Variants in ARHGAP28 observed in about 807,000 individuals in gnomAD.
The protein encoded by ARHGAP28 is Rho GTPase activating protein 28, also known as rho GTPase-activating protein 28.
In ARHGAP28, 56 loss-of-function variants were observed where a neutral mutation model predicts 90.7. That is an observed-to-expected ratio of 0.62 (90% CI 0.50 to 0.77). ARHGAP28 has a LOEUF of 0.77. ARHGAP28 is among the 30% of genes least tolerant of loss of function. The probability of loss-of-function intolerance (pLI) is 0.00; values close to 1 mark genes in which losing one functional copy is unlikely to be tolerated. For synonymous variants in ARHGAP28, 308 were observed against 323.3 expected (o/e 0.95, Z 0.51); for missense variants, 869 against 900.9 (o/e 0.96, Z 0.45).
chr18:6,864,684 T>TATTA (rs1454595157), intron 5 of ARHGAP28, among the ~76,000 whole-genome samples: 2 of 152,080 alleles, frequency 1.3e-5, no homozygotes, highest in Admixed American at 6.5e-5. Flanking sequence ...ACTTTATTAT[T>TATTA]ATTTATTTAT....
At chr18:6,831,471 G>GTTTTTTTTTTTTTTCTTTTTT (rs2056714365) in intron 2 of ARHGAP28, among the ~76,000 whole-genome samples, 2 of 109,304 alleles carry the variant, frequency 1.8e-5, no homozygotes, top group African/African-American at 3.5e-5. Context: ...GTATCTTGAT[G>GTTTTTTTTTTTTTTCTTTTTT]TTTTTTTTTT....
At chr18:6,759,204 A>G (rs570303842) in intron 1 of ARHGAP28, among the ~76,000 whole-genome samples, 1 of 152,198 alleles carries the variant, frequency 6.6e-6, no homozygotes. Context: ...ATCCTTTTAG[A>G]CACAGTTACT....
In ARHGAP28 at chr18:6,861,173, C is replaced by G. The variant is rs73941145; in HGVS notation, c.726+1276C>G. Among the ~76,000 whole-genome samples, 38 of 152,282 alleles carry G rather than the reference C, an allele frequency of 2.5e-4. 1 individual carries two copies. The East Asian group carries it at 6.6e-3, about 26-fold the overall frequency. ...TTGCCCAGGATCCTTTATCTTCCACCACAGCTTGTGGCACCCATGTGCCCA... is the reference window on the plus strand; with the variant it reads ...TTGCCCAGGATCCTTTATCTTCCACGACAGCTTGTGGCACCCATGTGCCCA... On this transcript the variant is annotated intron_variant, in intron 5 of 17. Transcript: ENST00000383472.
intron 14 of ARHGAP28, among the ~76,000 whole-genome samples, chr18:6,892,793 C>T (rs540854624): frequency 6.6e-6 from 1 of 152,186 alleles, no homozygotes; most frequent in Non-Finnish European, 1.5e-5. Flanking sequence ...CAGAGATTCT[C>T]TTAAATGTCT....
chr18:6,818,297 T>G (rs1017194131), intron 1 of ARHGAP28, among the ~76,000 whole-genome samples: 1 of 152,190 alleles, frequency 6.6e-6, no homozygotes, highest in Non-Finnish European at 1.5e-5. Context: ...TATTTACAGC[T>G]ATAAGCAGTT....
chr18:6,838,716 C>A (rs144170704), intron 3 of ARHGAP28, among the ~76,000 whole-genome samples: 69 of 152,258 alleles, frequency 4.5e-4, no homozygotes, highest in African/African-American at 1.7e-3. Flanking sequence ...GTTCTAGAAT[C>A]TTCTGCCATA....
At chr18:6,837,447 G>A (rs2303977) in intron 3 of ARHGAP28, 33 bp downstream of exon 3, 496,635 of 1,228,042 alleles carry the variant, frequency 0.4, 109,077 homozygotes, top group Non-Finnish European at 0.45. Flanking sequence ...CTCAAAAGGC[G>A]CCTAGTTTGA....
chr18:6,814,974 G>C (rs2056580559), intron 1 of ARHGAP28, among the ~76,000 whole-genome samples: 1 of 152,018 alleles, frequency 6.6e-6, no homozygotes, highest in South Asian at 2.1e-4. Flanking sequence ...TCCTTCCTGA[G>C]TAGCCCCTAA....
rs181005417 is a variant in ARHGAP28 at position 6,814,033 on chromosome 18, G to A, written c.123-10729G>A. Among the ~76,000 whole-genome samples, 306 of 152,220 alleles carry A rather than the reference G, an allele frequency of 2.0e-3. 2 individuals are homozygous for A. The highest frequency in any genetic ancestry group is 3.1e-3 in the Admixed American group (47 of 15,292). ...ATCACAACTGATGGAGCACAGAATGGTTATTCTCCAGGGGACCCTACAGAG... is the reference window on the plus strand; with the variant it reads ...ATCACAACTGATGGAGCACAGAATGATTATTCTCCAGGGGACCCTACAGAG... On this transcript the variant is annotated intron_variant, in intron 1 of 17. Transcript: ENST00000383472.
At chr18:6,789,989 G>C (rs143740382) in intron 1 of ARHGAP28, 2 of 151,678 alleles carry the variant, frequency 1.3e-5, no homozygotes, top group Non-Finnish European at 1.5e-5. Context: ...CACCACCCCC[G>C]GCTAATTTTT....
intron 5 of ARHGAP28, among the ~76,000 whole-genome samples, chr18:6,867,074 C>T (rs1271099625): frequency 6.6e-6 from 1 of 152,048 alleles, no homozygotes; most frequent in African/African-American, 2.4e-5. Context: ...GACCTTTTTT[C>T]GGTTTGTCAT....
At chr18:6,839,304 T>TG (rs1238033330) in intron 3 of ARHGAP28, among the ~76,000 whole-genome samples, 2 of 150,732 alleles carry the variant, frequency 1.3e-5, no homozygotes, top group Non-Finnish European at 1.5e-5. Flanking sequence ...TTTTTTTTTT[T>TG]TTTTTTTGAG....
At chr18:6,891,559 C>T (rs551239723) in intron 14 of ARHGAP28, among the ~76,000 whole-genome samples, 2 of 152,236 alleles carry the variant, frequency 1.3e-5, no homozygotes, top group African/African-American at 2.4e-5. Flanking sequence ...GCTGAGATTA[C>T]AGGCATGAGC....
At chr18:6,783,091 C>T (rs913458543) in intron 1 of ARHGAP28, among the ~76,000 whole-genome samples, 3 of 152,164 alleles carry the variant, frequency 2.0e-5, no homozygotes, top group Non-Finnish European at 4.4e-5. Flanking sequence ...CTGTGTTCTT[C>T]ACTTTCTGAG....
Position 6,790,921 on chromosome 18 carries a change from C to A in ARHGAP28, c.123-33841C>A, listed in dbSNP as rs541036403. On this transcript the variant is annotated intron_variant, in intron 1 of 17. Transcript: ENST00000383472. Reference sequence around the variant, plus strand: ...CTGTAGATCCATTACTCAGCACTATCAGACACATTGTCCCCTTTTGATATC... The same window carrying A: ...CTGTAGATCCATTACTCAGCACTATAAGACACATTGTCCCCTTTTGATATC... 2.6e-5 allele frequency: 4 copies of A among 152,242 alleles called. No homozygotes were observed. The East Asian group carries it at 7.7e-4, about 29-fold the overall frequency. The allele number at this position is 152,242 out of a possible 1,614,324, so 9.4% of individuals were successfully genotyped here.
At chr18:6,794,289 G>A (rs889723565) in intron 1 of ARHGAP28, among the ~76,000 whole-genome samples, 1 of 152,152 alleles carries the variant, frequency 6.6e-6, no homozygotes, top group African/African-American at 2.4e-5. Flanking sequence ...AATACAACAA[G>A]TAAATTGTAG....
chr18:6,898,878 T>G (rs1383514185), intron 16 of ARHGAP28, among the ~76,000 whole-genome samples: 1 of 151,350 alleles, frequency 6.6e-6, no homozygotes, highest in Non-Finnish European at 1.5e-5. Context: ...CTTTGGGGAG[T>G]CAGGGGCAAA....
chr18:6,809,828 AG>A, intron 1 of ARHGAP28, among the ~76,000 whole-genome samples: 1 of 152,212 alleles, frequency 6.6e-6, no homozygotes, highest in South Asian at 2.1e-4. Flanking sequence ...TCAAAGGGCT[AG>A]GCCTTTTTGT....
At chr18:6,912,020 C>A in intron 17 of ARHGAP28, 40 bp from the exon 18 acceptor site, 7 of 1,397,590 alleles carry the variant, frequency 5.0e-6, no homozygotes, top group East Asian at 4.6e-5. Flanking sequence ...CACACACACA[C>A]AAATGTACAC....
Sources: allele counts gnomAD v4.1 joint callset (sites outside exome capture counted in the v4.1 genomes callset), GRCh38; gene constraint gnomAD v4.1.1; transcripts MANE v1.5; gene names NCBI Gene and HGNC (gene_info 2026-07-23, HGNC 2026-07-21).